UNC79: variants seen among roughly 807,000 people sequenced by gnomAD.
UNC79 encodes the protein protein unc-79 homolog.
Under a neutral mutation model 283.1 loss-of-function variants are expected in UNC79, and 37 were observed. The ratio of observed to expected loss-of-function variants is 0.13; its 90% CI spans 0.10 to 0.17. The LOEUF (loss-of-function observed/expected upper bound fraction) is 0.17, where lower values mean the gene tolerates loss of function less well. Among genes scored for constraint, UNC79 ranks in the 10% least tolerant of loss-of-function variants. The pLI is 1.00. For synonymous variants in UNC79, 1,107 were observed against 1,200.2 expected, an observed-to-expected ratio of 0.92 and a Z score of 1.61; for missense variants, 2,272 against 3,211.1, an observed-to-expected ratio of 0.71 and a Z score of 7.07.
intron 38 of UNC79, among the ~76,000 whole-genome samples, chr14:93,657,119 T>G (rs1247045820): frequency 6.6e-6 from 1 of 152,178 alleles, no homozygotes; most frequent in East Asian, 1.9e-4. Context: ...TACCACCTCT[T>G]ATATTCTATG....
At position 93,599,578 on chromosome 14, in the gene UNC79, C is replaced by G. The variant is rs190293761; in HGVS notation, c.3373-991C>G. Among the ~76,000 whole-genome samples the G allele has an allele frequency of 2.3e-3, 349 of 152,252 alleles. 3 individuals are homozygous for G. The highest frequency in any genetic ancestry group is 8.1e-3 in the African/African-American group (335 of 41,542). ...TTGATCTTACCAGGTACTTCTATGT[C>G]CTACCCCTGCTTAGGGCCTGGAACA... is the stretch of plus-strand genomic sequence containing the variant. On this transcript the variant is annotated intron_variant, in intron 24 of 48. Transcript: ENST00000555664.
At chr14:93,612,398 T>C (rs991365910) in intron 26 of UNC79, among the ~76,000 whole-genome samples, 2 of 152,220 alleles carry the variant, frequency 1.3e-5, no homozygotes, top group East Asian at 1.9e-4. Flanking sequence ...CGTTTTGTAG[T>C]TATTCTTACA....
At chr14:93,468,006 TCC>T (rs1256577845) in intron 2 of UNC79, among the ~76,000 whole-genome samples, 1 of 152,080 alleles carries the variant, frequency 6.6e-6, no homozygotes, top group Non-Finnish European at 1.5e-5. Context: ...CTGCCTGCTT[TCC>T]CGCATTGAAC....
chr14:93,506,187 G>A (rs551933660), intron 7 of UNC79, among the ~76,000 whole-genome samples: 2 of 149,522 alleles, frequency 1.3e-5, no homozygotes, highest in Non-Finnish European at 3.0e-5. Context: ...TGTTTGTTTT[G>A]CCTTTGTTTC....
intron 43 of UNC79, 36 bp downstream of exon 46, chr14:93,686,697 A>G: frequency 6.2e-7 from 1 of 1,610,712 alleles, no homozygotes. Flanking sequence ...CCTCAGGTTC[A>G]CAAAACAGAG....
intron 14 of UNC79, among the ~76,000 whole-genome samples, chr14:93,569,166 T>C (rs2063072487): frequency 1.3e-5 from 2 of 152,194 alleles, no homozygotes; most frequent in African/African-American, 2.4e-5. Context: ...CTGGGTGTGG[T>C]GGCTCACGCC....
intron 7 of UNC79, among the ~76,000 whole-genome samples, chr14:93,510,874 A>G (rs2059788141): frequency 6.6e-6 from 1 of 152,184 alleles, no homozygotes; most frequent in African/African-American, 2.4e-5. Flanking sequence ...AGGTATCTTT[A>G]TAGCAATGCC....
chr14:93,612,988 C>T, exon 27 of UNC79: 1 of 1,614,188 alleles, frequency 6.2e-7, no homozygotes, highest in Non-Finnish European at 8.5e-7. Context: ...GTACGTCTTA[C>T]TCGGCTATGA....
At chr14:93,417,703 T>C (rs2055494166) in intron 1 of UNC79, among the ~76,000 whole-genome samples, 1 of 152,210 alleles carries the variant, frequency 6.6e-6, no homozygotes, top group African/African-American at 2.4e-5. Flanking sequence ...CCATATTTCT[T>C]GGAGGCTTTG....
chr14:93,376,328 G>A (rs2054557517), intron 1 of UNC79, among the ~76,000 whole-genome samples: 2 of 152,154 alleles, frequency 1.3e-5, no homozygotes, highest in South Asian at 2.1e-4. Context: ...TTCAAATGCT[G>A]TGTGGTGATA....
At chr14:93,705,526 T>C (rs2075820478) in intron 48 of UNC79, among the ~76,000 whole-genome samples, 1 of 152,172 alleles carries the variant, frequency 6.6e-6, no homozygotes, top group East Asian at 1.9e-4. Flanking sequence ...ACCTACTGCC[T>C]CATTTTATAT....
intron 1 of UNC79, among the ~76,000 whole-genome samples, chr14:93,458,862 G>A (rs2056865394): frequency 6.6e-6 from 1 of 152,162 alleles, no homozygotes; most frequent in South Asian, 2.1e-4. Flanking sequence ...TGTTGTTAGG[G>A]AAACTAGATT....
chr14:93,517,727 G>A (rs1269103474), intron 7 of UNC79, among the ~76,000 whole-genome samples: 2 of 151,648 alleles, frequency 1.3e-5, no homozygotes, highest in Non-Finnish European at 2.9e-5. Context: ...ATCTTTTTCT[G>A]ACATGTCTTC....
In UNC79 at chr14:93,346,927, G is replaced by A. The variant is rs372204782; in HGVS notation, c.-351+13404G>A. 1.2e-4 allele frequency among the ~76,000 whole-genome samples: 19 copies of A among 152,080 alleles called. No individual in the cohort carries two copies. The East Asian group carries it at 1.6e-3, about 12-fold the overall frequency. ...GCAGGGAGCCCTGAGTGGAAAAGGC[G>A]GGGCAGAGCAGGGGGTACTGAACTG... On this transcript the variant is annotated intron_variant, in intron 1 of 49. Coordinates refer to the UNC79 transcript ENST00000256339.
At chr14:93,625,921 T>G (rs2067536558) in intron 30 of UNC79, among the ~76,000 whole-genome samples, 1 of 152,196 alleles carries the variant, frequency 6.6e-6, no homozygotes, top group African/African-American at 2.4e-5. Flanking sequence ...TTGAATTCCT[T>G]AACATGACCA....
intron 1 of UNC79, among the ~76,000 whole-genome samples, chr14:93,411,355 C>G (rs921148061): frequency 1.3e-5 from 2 of 152,216 alleles, no homozygotes; most frequent in African/African-American, 4.8e-5. Flanking sequence ...TGGACCCACC[C>G]AGGACCTGGG....
At position 93,682,708 on chromosome 14, in the gene UNC79, A is replaced by G. The variant is rs756114156; in HGVS notation, c.6819+14A>G. ...TCTGTACCTGGAGTAAGTCCTGACC[A>G]AATTCATTGTCTACATACTTACATT... On this transcript the variant is annotated intron_variant, in intron 42 of 48. Transcript: ENST00000555664. The G allele has an allele frequency of 2.5e-6, 4 of 1,610,490 alleles. No individual in the cohort carries two copies. The South Asian group carries it at 3.3e-5, about 13-fold the overall frequency.
intron 39 of UNC79, among the ~76,000 whole-genome samples, chr14:93,660,317 G>T (rs761826996): frequency 6.6e-6 from 1 of 151,850 alleles, no homozygotes; most frequent in East Asian, 1.9e-4. Context: ...AGATCACATA[G>T]CTGGTTAGTA....
At chr14:93,416,923 G>A (rs1482368292) in intron 1 of UNC79, among the ~76,000 whole-genome samples, 6 of 152,224 alleles carry the variant, frequency 3.9e-5, no homozygotes, top group African/African-American at 7.2e-5. Context: ...GTCTCTGCAC[G>A]TGAGATGGAT....
Sources: allele counts gnomAD v4.1 joint callset (sites outside exome capture counted in the v4.1 genomes callset), GRCh38; gene constraint gnomAD v4.1.1; transcripts MANE v1.5; gene names NCBI Gene and HGNC (gene_info 2026-07-23, HGNC 2026-07-21).